RORB: variants seen among roughly 807,000 people sequenced by gnomAD.
RORB encodes the protein nuclear receptor ROR-beta.
A neutral mutation model predicts 59.1 loss-of-function variants in RORB; 6 were observed. That is an observed-to-expected ratio of 0.10 (90% CI 0.06 to 0.20). RORB has a LOEUF of 0.20. Among genes scored for constraint, RORB ranks in the 10% least tolerant of loss-of-function variants. RORB has a pLI of 1.00. For missense variants in RORB, 320 were observed against 560.5 expected, an observed-to-expected ratio of 0.57 and a Z score of 4.33; for synonymous variants, 215 against 204.5, an observed-to-expected ratio of 1.05 and a Z score of -0.44.
intron 1 of RORB, among the ~76,000 whole-genome samples, chr9:74,525,866 G>A (rs1464013060): frequency 6.6e-6 from 1 of 151,920 alleles, no homozygotes; most frequent in Non-Finnish European, 1.5e-5. Context: ...CCAACGCTGA[G>A]AGACATTGAG....
At chr9:74,574,996 A>C (rs1189553112) in intron 1 of RORB, among the ~76,000 whole-genome samples, 1 of 152,144 alleles carries the variant, frequency 6.6e-6, no homozygotes, top group Non-Finnish European at 1.5e-5. Flanking sequence ...CCAGGAATAT[A>C]GAAGTAAATA....
chr9:74,504,579 A>C (rs775384442), intron 1 of RORB, among the ~76,000 whole-genome samples: 39 of 152,090 alleles, frequency 2.6e-4, no homozygotes, highest in Non-Finnish European at 4.9e-4. Context: ...TGCTGACATT[A>C]AAATTACTAA....
At chr9:74,663,617 A>C (rs1037385118) in intron 6 of RORB, among the ~76,000 whole-genome samples, 1 of 152,204 alleles carries the variant, frequency 6.6e-6, no homozygotes, top group African/African-American at 2.4e-5. Context: ...TCAAAGCTAC[A>C]ATTTGGGCAG....
chr9:74,678,168 A>G (rs528361454), intron 9 of RORB, among the ~76,000 whole-genome samples: 10 of 152,342 alleles, frequency 6.6e-5, no homozygotes, highest in East Asian at 1.9e-4. Flanking sequence ...AAGTGATTAC[A>G]TATCTTGCCT....
intron 2 of RORB, among the ~76,000 whole-genome samples, chr9:74,632,019 T>G (rs1484906367): frequency 6.6e-6 from 1 of 152,224 alleles, no homozygotes; most frequent in Non-Finnish European, 1.5e-5. Context: ...AGCTCTGGTT[T>G]ACATAATATC....
intron 1 of RORB, among the ~76,000 whole-genome samples, chr9:74,592,034 TC>T (rs756742926): frequency 2.6e-5 from 4 of 152,148 alleles, no homozygotes; most frequent in Non-Finnish European, 5.9e-5. Flanking sequence ...CTTTTTGGTT[TC>T]GCAAAATAGG....
chr9:74,682,566 C>T (rs1466916390), intron 9 of RORB, among the ~76,000 whole-genome samples: 3 of 152,108 alleles, frequency 2.0e-5, no homozygotes, highest in Non-Finnish European at 4.4e-5. Context: ...ATAGACTAAT[C>T]CTCTCTATGT....
intron 4 of RORB, among the ~76,000 whole-genome samples, chr9:74,644,208 C>T (rs913859951): frequency 2.0e-5 from 3 of 152,110 alleles, no homozygotes; most frequent in Admixed American, 6.6e-5. Context: ...AAACCTGAAG[C>T]GTTATTTCTC....
At chr9:74,597,603 C>T (rs1166185029) in intron 1 of RORB, among the ~76,000 whole-genome samples, 1 of 151,380 alleles carries the variant, frequency 6.6e-6, no homozygotes, top group East Asian at 1.9e-4. Context: ...GAGATGTGGT[C>T]CAAATGTAAA....
chr9:74,513,676 G>T (rs888900025), intron 1 of RORB, among the ~76,000 whole-genome samples: 2 of 151,970 alleles, frequency 1.3e-5, no homozygotes, highest in African/African-American at 4.8e-5. Flanking sequence ...TCATGTGCAG[G>T]AAGTGAAAGT....
At chr9:74,663,921 C>T (rs557034871) in intron 6 of RORB, among the ~76,000 whole-genome samples, 2 of 152,258 alleles carry the variant, frequency 1.3e-5, no homozygotes, top group African/African-American at 4.8e-5. Flanking sequence ...ATAGATTTTT[C>T]TAACTTAGCT....
intron 1 of RORB, among the ~76,000 whole-genome samples, chr9:74,595,005 C>T (rs1822950618): frequency 6.6e-6 from 1 of 152,140 alleles, no homozygotes; most frequent in Admixed American, 6.5e-5. Context: ...AAAACCCAGG[C>T]CCTAAGGATG....
chr9:74,692,598 A>C lies in RORB; in HGVS notation c.*6980A>C, dbSNP rs1355182398. ...GGGGTACAGTTTGCATCTCATTAGC[A>C]TGCACACCACTGTTGGCAATGCATA... On this transcript the variant is annotated 3_prime_UTR_variant, in exon 10 of 10. Transcript: ENST00000376896. 1 of 152,182 alleles carries C rather than the reference A, an allele frequency of 6.6e-6. No individual in the cohort carries two copies. Among genetic ancestry groups the C allele is most frequent in the Non-Finnish European group, 1.5e-5 (1 of 68,026 alleles). The allele number at this position is 152,182 out of a possible 1,614,324, so 9.4% of individuals were successfully genotyped here. A position where few individuals can be genotyped will look rare whatever the true frequency, so the allele number is the denominator to read the frequency against.
intron 3 of RORB, among the ~76,000 whole-genome samples, chr9:74,641,308 G>T (rs1277110242): frequency 1.3e-5 from 2 of 152,308 alleles, no homozygotes; most frequent in Admixed American, 6.5e-5. Context: ...ACAACACACT[G>T]AAATGAAAGC....
At chr9:74,657,450 T>C (rs368079494) in intron 4 of RORB, among the ~76,000 whole-genome samples, 5 of 152,282 alleles carry the variant, frequency 3.3e-5, no homozygotes, top group South Asian at 2.1e-4. Flanking sequence ...AGATATAAGA[T>C]GTAATGTCAG....
At chr9:74,621,638 T>C (rs1168060781) in intron 1 of RORB, among the ~76,000 whole-genome samples, 1 of 152,198 alleles carries the variant, frequency 6.6e-6, no homozygotes, top group Non-Finnish European at 1.5e-5. Context: ...GGTAAGACTA[T>C]GGGTAGCTTT....
chr9:74,595,620 T>C (rs1243061094), intron 1 of RORB, among the ~76,000 whole-genome samples: 2 of 152,222 alleles, frequency 1.3e-5, no homozygotes, highest in Non-Finnish European at 2.9e-5. Context: ...TTTGTATCCC[T>C]TTCCTTTTGT....
rs181472343 is a variant in RORB at position 74,623,087 on chromosome 9, C to T, written c.8-7195C>T. Reference sequence around the variant, plus strand: ...GTGAATAGCCAAAATGAGTTCATTGCTGGTTTCAAAAAACTGCTTGATCTC... The same window carrying T: ...GTGAATAGCCAAAATGAGTTCATTGTTGGTTTCAAAAAACTGCTTGATCTC... On this transcript the variant is annotated intron_variant, in intron 1 of 9. Transcript: ENST00000376896. Among the ~76,000 whole-genome samples, 15 of 152,282 alleles carry T rather than the reference C, an allele frequency of 9.9e-5. No individual in the cohort carries two copies. The East Asian group carries it at 2.1e-3, about 22-fold the overall frequency.
chr9:74,513,793 C>A (rs1825973086), intron 1 of RORB, among the ~76,000 whole-genome samples: 1 of 151,810 alleles, frequency 6.6e-6, no homozygotes, highest in African/African-American at 2.4e-5. Context: ...ATTTAGATTC[C>A]ATTGGTATAT....
Sources: gnomAD v4.1 joint callset for allele counts (sites outside exome capture counted in the v4.1 genomes callset) on GRCh38, gnomAD v4.1.1 for gene constraint, MANE v1.5 for transcripts, NCBI Gene and HGNC (gene_info 2026-07-23, HGNC 2026-07-21) for gene names.